Variants in RGMA observed in about 807,000 individuals in gnomAD.
RGMA encodes repulsive guidance molecule A.
In RGMA, 10 loss-of-function variants were observed where a neutral mutation model predicts 23.2. The observed-to-expected ratio is 0.43, with a 90% CI of 0.27 to 0.73. RGMA has a LOEUF of 0.73. RGMA is among the 30% of genes least tolerant of loss of function. RGMA has a pLI of 0.20. For missense variants in RGMA, 547 were observed against 630.5 expected, an observed-to-expected ratio of 0.87 and a Z score of 1.42; for synonymous variants, 308 against 279.3, an observed-to-expected ratio of 1.10 and a Z score of -1.03.
Position 93,043,250 on chromosome 15 carries a change from AGG to A in RGMA, c.*1746_*1747del, listed in dbSNP as rs2054750540. 7.0e-6 allele frequency: 1 copy of A among 142,694 alleles called. No homozygotes were observed. The highest frequency in any genetic ancestry group is 7.0e-5 in the Admixed American group (1 of 14,350). 8.8% of individuals were successfully genotyped at this position (142,694 alleles called of 1,614,324 possible). ...CACACATGCGTACATGCACGCACAC[AGG>A]CACGCACACACACAGGCATGCATAC... On this transcript the variant is annotated 3_prime_UTR_variant, in exon 4 of 4. Coordinates refer to ENST00000329082, the MANE Select transcript of RGMA (RefSeq NM_020211.3).
chr15:93,082,141 A>AGTAGTTGCC, intron 1 of RGMA, among the ~76,000 whole-genome samples: 1 of 152,376 alleles, frequency 6.6e-6, no homozygotes, highest in Admixed American at 6.5e-5. Context: ...AGTCTTGATA[A>AGTAGTTGCC]GTAGTTGCCA....
chr15:93,061,685 GA>G (rs1466797379), intron 2 of RGMA, among the ~76,000 whole-genome samples: 1 of 152,220 alleles, frequency 6.6e-6, no homozygotes, highest in African/African-American at 2.4e-5. Flanking sequence ...GCACCTCTGA[GA>G]ATCAGAAAGA....
chr15:93,079,638 G>A (rs1895526509), intron 1 of RGMA, among the ~76,000 whole-genome samples: 1 of 152,156 alleles, frequency 6.6e-6, no homozygotes. Flanking sequence ...TGGCCAATGT[G>A]GTGAAACCCC....
rs2054921342 is a variant in RGMA, at chr15:93,051,662, G to C, written c.645+331C>G. Among the ~76,000 whole-genome samples the C allele has an allele frequency of 2.0e-5, 3 of 152,220 alleles. No individual in the cohort carries two copies. The South Asian group carries it at 6.2e-4, about 32-fold the overall frequency. On this transcript the variant is annotated intron_variant, in intron 3 of 3. Coordinates refer to ENST00000329082, the MANE Select transcript of RGMA (RefSeq NM_020211.3). ...TCGTGGGGCCGCTCAGAATATGCCA[G>C]GTTCTGGAGTCACCCGGGCCTGGGG... is the stretch of plus-strand genomic sequence containing the variant.
In RGMA at chr15:93,073,032, C is replaced by G; in HGVS notation, c.15-1G>C. 6.3e-7 allele frequency: 1 copy of G among 1,587,364 alleles called. No individual in the cohort carries two copies. The highest frequency in any genetic ancestry group is 1.2e-5 in the South Asian group (1 of 86,916). On this transcript the variant is annotated splice_acceptor_variant, in intron 1 of 3. Coordinates refer to ENST00000329082, the MANE Select transcript of RGMA (RefSeq NM_020211.3). LOFTEE classifies it high-confidence loss of function. Reference sequence around the variant, plus strand: ...TCGGCCTGTTACCACTAGCCTCTCCCTGGAAGAAGAGTTCAGAAAAAAAGA... The same window carrying G: ...TCGGCCTGTTACCACTAGCCTCTCCGTGGAAGAAGAGTTCAGAAAAAAAGA...
intron 2 of RGMA, chr15:93,065,984 C>G (rs1015127852): frequency 9.4e-6 from 11 of 1,166,950 alleles, no homozygotes; most frequent in Middle Eastern, 2.0e-4. Flanking sequence ...GGCCGCTGCG[C>G]GGAGTCTTTG....
chr15:93,056,983 G>A (rs2141819180), intron 2 of RGMA, among the ~76,000 whole-genome samples: 1 of 152,252 alleles, frequency 6.6e-6, no homozygotes, highest in East Asian at 1.9e-4. Flanking sequence ...GGCATTGGAG[G>A]GAGCCTGCCC....
chr15:93,062,014 T>TA (rs1894981411), intron 2 of RGMA, among the ~76,000 whole-genome samples: 2 of 151,394 alleles, frequency 1.3e-5, no homozygotes. Flanking sequence ...AACAGACCAA[T>TA]AAATTACCCG....
At chr15:93,046,082 A>C (rs965900460) in intron 3 of RGMA, among the ~76,000 whole-genome samples, 1 of 152,222 alleles carries the variant, frequency 6.6e-6, no homozygotes, top group Non-Finnish European at 1.5e-5. Flanking sequence ...AACATGCCCT[A>C]ATCCCTGTAA....
chr15:93,073,658 C>G, intron 1 of RGMA: 1 of 1,537,254 alleles, frequency 6.5e-7, no homozygotes, highest in Non-Finnish European at 8.7e-7. Flanking sequence ...GCTGAAAAAC[C>G]CACTTCCGAG....
chr15:93,069,116 TG>T (rs764580101), intron 2 of RGMA, among the ~76,000 whole-genome samples: 65 of 148,522 alleles, frequency 4.4e-4, no homozygotes, highest in African/African-American at 1.5e-3. Flanking sequence ...ATTTTTTTTT[TG>T]TTTGTTTTTT....
At chr15:93,054,980 T>TG (rs1445329966) in intron 2 of RGMA, among the ~76,000 whole-genome samples, 2 of 151,996 alleles carry the variant, frequency 1.3e-5, no homozygotes, top group Admixed American at 1.3e-4. Context: ...GGGGCGTGTA[T>TG]GGGGAGGGAG....
intron 1 of RGMA, among the ~76,000 whole-genome samples, chr15:93,078,253 C>T (rs919441392): frequency 3.9e-5 from 6 of 152,310 alleles, no homozygotes; most frequent in Admixed American, 2.0e-4. Context: ...ATGGAGGAAA[C>T]GACCCAACAC....
chr15:93,056,406 C>T (rs543440816), intron 2 of RGMA, among the ~76,000 whole-genome samples: 1 of 141,186 alleles, frequency 7.1e-6, no homozygotes, highest in Non-Finnish European at 1.6e-5. Context: ...GCGCCTGAGA[C>T]GAGGCCCTTT....
chr15:93,081,823 G>A (rs1368272374), intron 1 of RGMA, among the ~76,000 whole-genome samples: 1 of 152,256 alleles, frequency 6.6e-6, no homozygotes, highest in East Asian at 1.9e-4. Flanking sequence ...ATCCCCAGCT[G>A]ATGGGAGGTG....
chr15:93,052,690 T>C (rs2054947592), intron 2 of RGMA, among the ~76,000 whole-genome samples, 183 bp from the exon 3 acceptor site: 1 of 152,194 alleles, frequency 6.6e-6, no homozygotes, highest in African/African-American at 2.4e-5. Flanking sequence ...ACCCAGCCTA[T>C]GGCGACCCCA....
chr15:93,071,903 C>T (rs1006816591), intron 2 of RGMA, among the ~76,000 whole-genome samples: 1 of 152,196 alleles, frequency 6.6e-6, no homozygotes, highest in Admixed American at 6.5e-5. Context: ...ACAATGGAAA[C>T]GGCTGGGAGA....
intron 1 of RGMA, among the ~76,000 whole-genome samples, chr15:93,079,927 G>C (rs935487722): frequency 6.6e-6 from 1 of 152,122 alleles, no homozygotes; most frequent in Non-Finnish European, 1.5e-5. Flanking sequence ...TGTACATTTT[G>C]GCTACGAGGA....
intron 2 of RGMA, chr15:93,065,792 G>A (rs1250353050): frequency 4.0e-6 from 4 of 1,003,670 alleles, no homozygotes; most frequent in Non-Finnish European, 6.2e-6. Flanking sequence ...GGCTGGCTGG[G>A]GTGGTCTGGG....
Sources: gnomAD v4.1 joint callset for allele counts (sites outside exome capture counted in the v4.1 genomes callset) on GRCh38, gnomAD v4.1.1 for gene constraint, MANE v1.5 for transcripts, NCBI Gene and HGNC (gene_info 2026-07-23, HGNC 2026-07-21) for gene names.